The following SMG6 variants were observed in gnomAD, a reference collection of about 807,000 sequenced individuals.
The protein encoded by SMG6 is SMG6 nonsense mediated mRNA decay factor, also known as telomerase-binding protein EST1A.
A neutral mutation model predicts 142.2 loss-of-function variants in SMG6; 66 were observed. The observed-to-expected ratio is 0.46, with a 90% CI of 0.38 to 0.57. The LOEUF (loss-of-function observed/expected upper bound fraction) is 0.57, where lower values mean the gene tolerates loss of function less well. Ranked by LOEUF, SMG6 falls within the 20% of genes least tolerant of loss-of-function variation. The probability of loss-of-function intolerance (pLI) is 0.00; values close to 1 mark genes in which losing one functional copy is unlikely to be tolerated. For missense variants in SMG6, 1,793 were observed against 1,832.0 expected, an observed-to-expected ratio of 0.98 and a Z score of 0.39; for synonymous variants, 779 against 702.4, an observed-to-expected ratio of 1.11 and a Z score of -1.72.
chr17:2,121,587 CTGTGTG>C (rs71150850), intron 13 of SMG6, among the ~76,000 whole-genome samples: 3,557 of 139,462 alleles, frequency 0.026, 74 homozygotes, highest in Admixed American at 0.05. Flanking sequence ...ACATGTCTGT[CTGTGTG>C]TGTGTGTGTG....
intron 12 of SMG6, among the ~76,000 whole-genome samples, chr17:2,177,037 AAC>A (rs1357427482): frequency 6.6e-6 from 1 of 152,212 alleles, no homozygotes; most frequent in Non-Finnish European, 1.5e-5. Flanking sequence ...GAAACAAACC[AAC>A]ACACACTCCT....
chr17:2,203,308 G>A (rs1018629360), intron 10 of SMG6, among the ~76,000 whole-genome samples: 35 of 152,272 alleles, frequency 2.3e-4, no homozygotes, highest in African/African-American at 8.4e-4. Flanking sequence ...TCTTGGGCAG[G>A]ACAGAGCTGC....
chr17:2,072,336 A>T (rs1028331888), intron 15 of SMG6, among the ~76,000 whole-genome samples: 1 of 152,136 alleles, frequency 6.6e-6, no homozygotes, highest in Non-Finnish European at 1.5e-5. Context: ...CTTGGAACCC[A>T]AGCAACACAC....
intron 6 of SMG6, among the ~76,000 whole-genome samples, chr17:2,285,197 T>C (rs1282301939): frequency 1.3e-5 from 2 of 152,318 alleles, no homozygotes; most frequent in East Asian, 3.9e-4. Flanking sequence ...TTATCATTCC[T>C]GGCACCTAGA....
At chr17:2,110,377 A>G (rs960893278) in intron 13 of SMG6, among the ~76,000 whole-genome samples, 1 of 152,152 alleles carries the variant, frequency 6.6e-6, no homozygotes, top group Non-Finnish European at 1.5e-5. Flanking sequence ...TGTTCTTCAG[A>G]GATAGTTCTG....
At chr17:2,153,068 G>A (rs1329834340) in intron 13 of SMG6, among the ~76,000 whole-genome samples, 1 of 152,222 alleles carries the variant, frequency 6.6e-6, no homozygotes, top group Non-Finnish European at 1.5e-5. Flanking sequence ...GCGAAAAGAA[G>A]CCAGACTCAA....
At chr17:2,205,068 A>G (rs2072637310) in intron 10 of SMG6, among the ~76,000 whole-genome samples, 1 of 151,130 alleles carries the variant, frequency 6.6e-6, no homozygotes, top group African/African-American at 2.4e-5. Flanking sequence ...GTATGTATCT[A>G]GTTTTTGGTT....
In SMG6 at chr17:2,081,985, A is replaced by C. The variant is rs756374447; in HGVS notation, c.3535-29T>G. ...TGGGTGGTGGAGCCGACCAGGACAA[A>C]GAGGAGACAGTTAGCTGGGCCCATG... On this transcript the variant is annotated intron_variant, in intron 14 of 18. Coordinates refer to ENST00000263073, the MANE Select transcript of SMG6 (RefSeq NM_017575.5). The C allele has an allele frequency of 2.5e-6, 4 of 1,613,200 alleles. No individual in the cohort carries two copies. In the South Asian group the frequency reaches 4.4e-5, roughly 18 times the overall value.
rs558056621 is a variant in SMG6, at chr17:2,189,395, C to T, written c.2870-880G>A. On this transcript the variant is annotated intron_variant, in intron 10 of 18. Coordinates refer to ENST00000263073, the MANE Select transcript of SMG6 (RefSeq NM_017575.5). The stretch of plus-strand genomic sequence containing the variant: ...CCCTGAAAGCCACGTCATCTGAACT[C>T]GAGAGGAGCTGGTGACACACAGAAG... 1.0e-3 allele frequency among the ~76,000 whole-genome samples: 154 copies of T among 152,272 alleles called. 1 individual carries two copies. The highest frequency in any genetic ancestry group is 3.5e-3 in the African/African-American group (145 of 41,542).
chr17:2,302,182 G>T (rs1020106606), intron 1 of SMG6, among the ~76,000 whole-genome samples: 1 of 152,138 alleles, frequency 6.6e-6, no homozygotes, highest in Admixed American at 6.6e-5. Flanking sequence ...GAGCACAGGA[G>T]GGGGAGGCTA....
At chr17:2,156,393 C>CAAAAAAAAAAAAA (rs34203812) in intron 13 of SMG6, among the ~76,000 whole-genome samples, 2 of 55,412 alleles carry the variant, frequency 3.6e-5, no homozygotes, top group African/African-American at 1.6e-4. Context: ...CACTCCTTCT[C>CAAAAAAAAAAAAA]AAAAAAAAAA....
At chr17:2,191,336 GAGTCCACCCAC>G (rs2072155802) in intron 10 of SMG6, among the ~76,000 whole-genome samples, 1 of 152,150 alleles carries the variant, frequency 6.6e-6, no homozygotes, top group Admixed American at 6.5e-5. Context: ...TAGATTCCCA[GAGTCCACCCAC>G]TTTGGGGCTA....
At chr17:2,121,518 TTATAA>T (rs772872477) in intron 13 of SMG6, among the ~76,000 whole-genome samples, 5 of 150,446 alleles carry the variant, frequency 3.3e-5, no homozygotes, top group Non-Finnish European at 7.4e-5. Context: ...AGATAAGGGA[TTATAA>T]TATAATTATA....
intron 15 of SMG6, among the ~76,000 whole-genome samples, chr17:2,069,957 A>G (rs1462334899): frequency 2.0e-5 from 3 of 152,232 alleles, no homozygotes; most frequent in African/African-American, 7.2e-5. Flanking sequence ...ATATCGTGGT[A>G]CTAAGCAATT....
intron 8 of SMG6, among the ~76,000 whole-genome samples, chr17:2,249,172 C>T (rs565633293): frequency 6.6e-5 from 10 of 152,170 alleles, no homozygotes; most frequent in East Asian, 3.9e-4. Context: ...GGATTACAGG[C>T]GTGAGCCACC....
At chr17:2,211,873 G>T (rs2072875692) in intron 10 of SMG6, among the ~76,000 whole-genome samples, 1 of 151,840 alleles carries the variant, frequency 6.6e-6, no homozygotes, top group Non-Finnish European at 1.5e-5. Flanking sequence ...CACATCTCTC[G>T]CTCCAACTCT....
chr17:2,128,756 G>A (rs1210247366), intron 13 of SMG6, among the ~76,000 whole-genome samples: 1 of 149,084 alleles, frequency 6.7e-6, no homozygotes, highest in African/African-American at 2.5e-5. Context: ...CCCAGGAGGT[G>A]GAGGTTGCAC....
chr17:2,257,778 G>A (rs565154819), intron 8 of SMG6, among the ~76,000 whole-genome samples: 4 of 151,728 alleles, frequency 2.6e-5, no homozygotes, highest in South Asian at 2.1e-4. Flanking sequence ...CAGCACTTTG[G>A]GGGGCTGGGC....
intron 13 of SMG6, among the ~76,000 whole-genome samples, chr17:2,100,280 C>T (rs1297629676): frequency 2.6e-5 from 4 of 152,096 alleles, no homozygotes; most frequent in Non-Finnish European, 5.9e-5. Context: ...TCAAATGACT[C>T]GCCCGCCTCG....
Sources: gnomAD v4.1 joint callset for allele counts (sites outside exome capture counted in the v4.1 genomes callset) on GRCh38, gnomAD v4.1.1 for gene constraint, MANE v1.5 for transcripts, NCBI Gene and HGNC (gene_info 2026-07-23, HGNC 2026-07-21) for gene names.